The following KCNN2 variants were observed in gnomAD, a reference collection of about 807,000 sequenced individuals.
KCNN2 encodes the protein small conductance calcium-activated potassium channel protein 2.
Under a neutral mutation model 55.5 loss-of-function variants are expected in KCNN2, and 24 were observed. The ratio of observed to expected loss-of-function variants is 0.43; its 90% CI spans 0.31 to 0.61. The LOEUF is 0.61. Among genes scored for constraint, KCNN2 ranks in the 20% least tolerant of loss-of-function variants. The probability of loss-of-function intolerance (pLI) is 0.08; values close to 1 mark genes in which losing one functional copy is unlikely to be tolerated. For synonymous variants in KCNN2, 431 were observed against 336.1 expected (o/e 1.28, Z -3.09); for missense variants, 754 against 853.6 (o/e 0.88, Z 1.45).
chr5:114,459,639 T>G (rs1761100867), intron 3 of KCNN2, among the ~76,000 whole-genome samples: 1 of 152,202 alleles, frequency 6.6e-6, no homozygotes, highest in African/African-American at 2.4e-5. Context: ...ATCATGTATG[T>G]CTGAGTGCAA....
chr5:114,172,124 T>G (rs866533821), intron 1 of KCNN2, among the ~76,000 whole-genome samples: 2 of 151,892 alleles, frequency 1.3e-5, no homozygotes, highest in African/African-American at 4.8e-5. Flanking sequence ...CATATATAGT[T>G]TCTCCAGTTG....
chr5:114,439,404 A>G (rs1760128541), intron 3 of KCNN2, among the ~76,000 whole-genome samples: 1 of 152,192 alleles, frequency 6.6e-6, no homozygotes, highest in Non-Finnish European at 1.5e-5. Flanking sequence ...CAATGTGCAC[A>G]GTTCTTACTA....
In KCNN2 at chr5:114,341,301, A is replaced by C. The variant is rs1333084298; in HGVS notation, c.-184-19644A>C. On this transcript the variant is annotated intron_variant, in intron 2 of 10. Coordinates refer to the KCNN2 transcript ENST00000512097. ...GAAGGGAAATTGGTACATAGATACT[A>C]AATTCATGGAAGAAGGATGTGGATC... is the stretch of plus-strand genomic sequence containing the variant. 2.0e-5 allele frequency among the ~76,000 whole-genome samples: 3 copies of C among 152,246 alleles called. No homozygotes were observed. In the South Asian group the frequency reaches 6.2e-4, roughly 31 times the overall value.
intron 2 of KCNN2, among the ~76,000 whole-genome samples, chr5:114,370,552 A>G (rs1757732893): frequency 6.6e-6 from 1 of 152,096 alleles, no homozygotes; most frequent in African/African-American, 2.4e-5. Flanking sequence ...CATACATCAG[A>G]CAGGACCATC....
intron 2 of KCNN2, among the ~76,000 whole-genome samples, chr5:114,349,323 C>A (rs1757167678): frequency 6.6e-6 from 1 of 152,040 alleles, no homozygotes; most frequent in East Asian, 1.9e-4. Context: ...GAATGCTCCA[C>A]AGTTTGAAAA....
chr5:114,406,000 G>A (rs112520298), intron 3 of KCNN2, among the ~76,000 whole-genome samples: 4,321 of 150,842 alleles, frequency 0.029, 68 homozygotes, highest in Non-Finnish European at 0.039. Flanking sequence ...GTGAGCCACC[G>A]CACCAGGCCG....
chr5:114,493,490 A>G lies in KCNN2; in HGVS notation c.2088+18A>G. ...TGGCAAAGGTAAGCCTGAGGTGCTT[A>G]GCCCTCCTAGTTGCATCTGTTGAAA... On this transcript the variant is annotated intron_variant, in intron 7 of 7. Coordinates refer to ENST00000673685, the MANE Select transcript of KCNN2 (RefSeq NM_021614.4). 6.3e-7 allele frequency: 1 copy of G among 1,579,394 alleles called. No individual in the cohort carries two copies. The highest frequency in any genetic ancestry group is 8.7e-7 in the Non-Finnish European group (1 of 1,148,692).
At chr5:114,291,024 A>G (rs1755875797) in intron 2 of KCNN2, among the ~76,000 whole-genome samples, 4 of 152,076 alleles carry the variant, frequency 2.6e-5, no homozygotes, top group Non-Finnish European at 4.4e-5. Flanking sequence ...AGAATGTTTC[A>G]TGTACACTTG....
intron 1 of KCNN2, among the ~76,000 whole-genome samples, chr5:114,149,047 C>T (rs779402335): frequency 2.0e-5 from 3 of 152,066 alleles, no homozygotes; most frequent in Non-Finnish European, 4.4e-5. Flanking sequence ...GTCCATAGAA[C>T]CTTTGTCAGG....
intron 2 of KCNN2, among the ~76,000 whole-genome samples, chr5:114,263,313 C>G (rs1008748063): frequency 1.3e-5 from 2 of 152,164 alleles, no homozygotes; most frequent in African/African-American, 4.8e-5. Flanking sequence ...GAAGTGAAGC[C>G]AGTGGTCACA....
chr5:114,105,866 T>G (rs1751472503), intron 1 of KCNN2, among the ~76,000 whole-genome samples: 2 of 152,002 alleles, frequency 1.3e-5, no homozygotes, highest in South Asian at 4.1e-4. Context: ...GCAGAATTTG[T>G]AATTTCCATC....
chr5:114,424,251 A>G (rs1759552672), intron 3 of KCNN2, among the ~76,000 whole-genome samples: 1 of 152,204 alleles, frequency 6.6e-6, no homozygotes. Flanking sequence ...CTGTTCTTTC[A>G]CTAATGCTCT....
chr5:114,307,551 A>G (rs1756309590), intron 2 of KCNN2, among the ~76,000 whole-genome samples: 1 of 152,138 alleles, frequency 6.6e-6, no homozygotes, highest in Non-Finnish European at 1.5e-5. Context: ...CCATGGTCAC[A>G]TCTCTTATAG....
At chr5:114,143,586 T>C (rs926666900) in intron 1 of KCNN2, among the ~76,000 whole-genome samples, 35 of 152,180 alleles carry the variant, frequency 2.3e-4, no homozygotes, top group African/African-American at 8.4e-4. Flanking sequence ...TCGCATTCCA[T>C]ACCCAGAGCT....
chr5:114,342,764 C>G (rs1757038957), intron 2 of KCNN2, among the ~76,000 whole-genome samples: 1 of 152,172 alleles, frequency 6.6e-6, no homozygotes, highest in Non-Finnish European at 1.5e-5. Context: ...GGATCACCAT[C>G]AAAACACATA....
chr5:114,417,656 G>C (rs1461709055), intron 3 of KCNN2, among the ~76,000 whole-genome samples: 1 of 152,168 alleles, frequency 6.6e-6, no homozygotes, highest in Non-Finnish European at 1.5e-5. Context: ...AGGCAGGTTT[G>C]ATGTGGTCAG....
At chr5:114,206,133 T>C (rs1324817962) in intron 1 of KCNN2, among the ~76,000 whole-genome samples, 1 of 152,218 alleles carries the variant, frequency 6.6e-6, no homozygotes, top group Non-Finnish European at 1.5e-5. Context: ...TTTATTTTTG[T>C]TTTTACAAAG....
intron 5 of KCNN2, 133 bp from the exon 6 acceptor site, chr5:114,486,917 G>GT: frequency 8.2e-7 from 1 of 1,214,690 alleles, no homozygotes. Flanking sequence ...AAGAAAAATG[G>GT]TATTTGGAGT....
intron 4 of KCNN2, among the ~76,000 whole-genome samples, chr5:114,467,948 A>ACTT (rs138260383): frequency 8.7e-4 from 133 of 152,294 alleles, no homozygotes; most frequent in African/African-American, 3.1e-3. Flanking sequence ...TTTATGAGGT[A>ACTT]CTTCCTTCTT....
Sources: gnomAD v4.1 joint callset for allele counts (sites outside exome capture counted in the v4.1 genomes callset) on GRCh38, gnomAD v4.1.1 for gene constraint, MANE v1.5 for transcripts, NCBI Gene and HGNC (gene_info 2026-07-23, HGNC 2026-07-21) for gene names.